Variants in ARHGAP40 observed in about 807,000 individuals in gnomAD.
The protein encoded by ARHGAP40 is rho GTPase-activating protein 40.
A neutral mutation model predicts 73.5 loss-of-function variants in ARHGAP40; 43 were observed. That is an observed-to-expected ratio of 0.58 (90% CI 0.46 to 0.75). The LOEUF (loss-of-function observed/expected upper bound fraction) is 0.75. ARHGAP40 is among the 30% of genes least tolerant of loss of function. The probability of loss-of-function intolerance (pLI) is 0.00; values close to 1 mark genes in which losing one functional copy is unlikely to be tolerated. For missense variants in ARHGAP40, 734 were observed against 861.8 expected (o/e 0.85, Z 1.86); for synonymous variants, 300 against 352.8 (o/e 0.85, Z 1.68).
At chr20:38,611,721 G>A (rs538358972) in intron 1 of ARHGAP40, among the ~76,000 whole-genome samples, 115 of 152,004 alleles carry the variant, frequency 7.6e-4, no homozygotes, top group East Asian at 6.0e-3. Flanking sequence ...ACAGGCGCCC[G>A]CCACCATGCC....
At chr20:38,608,337 C>T (rs2088784447) in intron 1 of ARHGAP40, among the ~76,000 whole-genome samples, 1 of 152,178 alleles carries the variant, frequency 6.6e-6, no homozygotes, top group Non-Finnish European at 1.5e-5. Flanking sequence ...TTCAACACCA[C>T]CTCCTCCAGG....
intron 1 of ARHGAP40, chr20:38,614,945 G>T: frequency 7.6e-7 from 1 of 1,311,620 alleles, no homozygotes; most frequent in Non-Finnish European, 1.1e-6. Context: ...CTCTCCGAAG[G>T]CTGGAGGTTT....
rs949007262 is a variant in ARHGAP40 at position 38,646,389 on chromosome 20, G to A, written c.1710+202G>A. 5.9e-5 allele frequency among the ~76,000 whole-genome samples: 9 copies of A among 152,348 alleles called. No individual in the cohort carries two copies. Among genetic ancestry groups the A allele is most frequent in the East Asian group, 1.9e-4 (1 of 5,182 alleles). Reference sequence around the variant, plus strand: ...CGAGGGCTTAGAAGCGGGTTGGGGAGGGGAAATGGAGTGACTCGGAGACTT... The same window carrying A: ...CGAGGGCTTAGAAGCGGGTTGGGGAAGGGAAATGGAGTGACTCGGAGACTT... On this transcript the variant is annotated intron_variant, in intron 12 of 14. Coordinates refer to ENST00000373345, the Ensembl canonical transcript of ARHGAP40. This position sits in a 1 kb window ranked among gnomAD's most constrained non-coding sequence, Gnocchi z 4.5.
chr20:38,630,054 CT>C (rs1568608454), intron 5 of ARHGAP40, among the ~76,000 whole-genome samples: 1 of 148,166 alleles, frequency 6.7e-6, no homozygotes, highest in Non-Finnish European at 1.5e-5. Context: ...CCTCCTCCTC[CT>C]TCTTTTTTCT....
intron 1 of ARHGAP40, among the ~76,000 whole-genome samples, chr20:38,606,471 A>G (rs955873520): frequency 2.6e-5 from 4 of 152,164 alleles, no homozygotes; most frequent in African/African-American, 9.7e-5. Context: ...TATACATGAC[A>G]TTCTTGACCA....
chr20:38,627,370 G>GCA (rs2088904837), intron 3 of ARHGAP40, among the ~76,000 whole-genome samples, 155 bp downstream of exon 3: 1 of 151,258 alleles, frequency 6.6e-6, no homozygotes, highest in African/African-American at 2.4e-5. Flanking sequence ...TGGTGTCTGT[G>GCA]TGTTGGTGTG....
rs112789840 is a variant in ARHGAP40 at position 38,605,517 on chromosome 20, C to G, written c.137+3438C>G. 5.5e-3 allele frequency among the ~76,000 whole-genome samples: 841 copies of G among 152,290 alleles called. 7 individuals are homozygous for G. The highest frequency in any genetic ancestry group is 0.019 in the African/African-American group (798 of 41,560). Reference sequence around the variant, plus strand: ...CATGCAATATTGGCCTTGGGAGGTGCCTCAAAGACCCAGTTGGAGTGAGGT... The same window carrying G: ...CATGCAATATTGGCCTTGGGAGGTGGCTCAAAGACCCAGTTGGAGTGAGGT... On this transcript the variant is annotated intron_variant, in intron 1 of 14. Transcript: ENST00000373345.
At chr20:38,607,306 C>T (rs532023602) in intron 1 of ARHGAP40, among the ~76,000 whole-genome samples, 143 of 152,334 alleles carry the variant, frequency 9.4e-4, no homozygotes, top group African/African-American at 3.4e-3. Flanking sequence ...GGAATCAGTG[C>T]CATTCAGATA....
intron 5 of ARHGAP40, among the ~76,000 whole-genome samples, chr20:38,634,393 AGG>A (rs2145608613): frequency 6.6e-6 from 1 of 152,274 alleles, no homozygotes; most frequent in East Asian, 1.9e-4. Context: ...CTTCTGAGGT[AGG>A]CTCTATTTTA....
intron 5 of ARHGAP40, among the ~76,000 whole-genome samples, chr20:38,634,069 G>C (rs918450376): frequency 1.3e-5 from 2 of 152,176 alleles, no homozygotes; most frequent in African/African-American, 4.8e-5. Context: ...AAAATTTTAT[G>C]AGGTCGTTGC....
At chr20:38,617,334 T>G (rs1183757712) in intron 1 of ARHGAP40, among the ~76,000 whole-genome samples, 4 of 152,216 alleles carry the variant, frequency 2.6e-5, no homozygotes, top group Non-Finnish European at 5.9e-5. Flanking sequence ...TCTGCAGCCC[T>G]GCCCTTGGGA....
intron 5 of ARHGAP40, among the ~76,000 whole-genome samples, chr20:38,633,741 C>G (rs1457007518): frequency 6.6e-6 from 1 of 152,242 alleles, no homozygotes; most frequent in Non-Finnish European, 1.5e-5. Context: ...GCCTGGCCCT[C>G]CCGCTTGCCT....
At chr20:38,630,112 T>A (rs571858573) in intron 5 of ARHGAP40, among the ~76,000 whole-genome samples, 7 of 148,632 alleles carry the variant, frequency 4.7e-5, no homozygotes, top group African/African-American at 1.5e-4. Flanking sequence ...GTTTTTCTTT[T>A]CTTTCTCTTT....
chr20:38,641,930 T>C (rs1336209041), intron 10 of ARHGAP40, 122 bp downstream of exon 10: 3 of 729,548 alleles, frequency 4.1e-6, no homozygotes, highest in Non-Finnish European at 5.7e-6. Context: ...TAGGGTTCAG[T>C]GATGACCCAC....
intron 10 of ARHGAP40, among the ~76,000 whole-genome samples, chr20:38,642,952 C>T (rs1029751967): frequency 6.6e-6 from 1 of 152,144 alleles, no homozygotes; most frequent in South Asian, 2.1e-4. Context: ...ATCAGCCTGG[C>T]CAATATGGTG....
rs923065251 is a variant in ARHGAP40, at chr20:38,637,082, G to A, written c.950-626G>A. Among the ~76,000 whole-genome samples, 19 of 152,060 alleles carry A rather than the reference G, an allele frequency of 1.2e-4. 1 individual carries two copies. The highest frequency in any genetic ancestry group is 4.3e-4 in the African/African-American group (18 of 41,404). On this transcript the variant is annotated intron_variant, in intron 6 of 14. Transcript: ENST00000373345. ...CCTGCAGAGCCAGAGCTCTATCCAGGACTGCTGTTACATTTTTATACCTGG... is the reference window on the plus strand; with the variant it reads ...CCTGCAGAGCCAGAGCTCTATCCAGAACTGCTGTTACATTTTTATACCTGG...
chr20:38,629,089 C>T (rs2088921065), intron 4 of ARHGAP40, 87 bp downstream of exon 4: 1 of 1,056,172 alleles, frequency 9.5e-7, no homozygotes. Flanking sequence ...GTGCACACCT[C>T]CCAGCATTTC....
At chr20:38,607,056 A>G (rs1227270700) in intron 1 of ARHGAP40, among the ~76,000 whole-genome samples, 1 of 152,194 alleles carries the variant, frequency 6.6e-6, no homozygotes, top group Non-Finnish European at 1.5e-5. Context: ...ACATTAATGC[A>G]TGTGAGGGCT....
At chr20:38,614,672 G>A (rs1030764657) in intron 1 of ARHGAP40, among the ~76,000 whole-genome samples, 3 of 152,220 alleles carry the variant, frequency 2.0e-5, no homozygotes, top group Non-Finnish European at 4.4e-5. Context: ...TTTCTCAAAA[G>A]AGGGGGCAGA....
Sources: allele counts gnomAD v4.1 joint callset (sites outside exome capture counted in the v4.1 genomes callset), GRCh38; gene constraint gnomAD v4.1.1; non-coding constraint Gnocchi (gnomAD v3.1); transcripts MANE v1.5; gene names NCBI Gene and HGNC (gene_info 2026-07-23, HGNC 2026-07-21).